Variants in CNTN3 observed in about 807,000 individuals in gnomAD.
CNTN3 encodes the protein contactin 3.
CNTN3 carries 60 observed loss-of-function variants against 119.1 expected under a neutral mutation model. That is an observed-to-expected ratio of 0.50 (90% CI 0.41 to 0.62). CNTN3 has a LOEUF of 0.62. Among genes scored for constraint, CNTN3 ranks in the 20% least tolerant of loss-of-function variants. The pLI is 0.00. For synonymous variants in CNTN3, 450 were observed against 438.7 expected (o/e 1.03, Z -0.32); for missense variants, 1,101 against 1,242.4 (o/e 0.89, Z 1.71).
At chr3:74,303,262 G>A (rs1350634476) in intron 13 of CNTN3, among the ~76,000 whole-genome samples, 8 of 152,090 alleles carry the variant, frequency 5.3e-5, no homozygotes, top group African/African-American at 1.9e-4. Flanking sequence ...GGATTACCAT[G>A]GTTGAAACAC....
chr3:74,295,256 G>T lies in CNTN3; in HGVS notation c.2402-20C>A. The T allele has an allele frequency of 7.5e-7, 1 of 1,337,914 alleles. No individual in the cohort carries two copies. Among genetic ancestry groups the T allele is most frequent in the Non-Finnish European group, 1.1e-6 (1 of 941,782 alleles). 82.9% of individuals were successfully genotyped at this position (1,337,914 alleles called of 1,614,324 possible). A position where few individuals can be genotyped will look rare whatever the true frequency, so the allele number is the denominator to read the frequency against. ...TAGGCTCTGTTCGGAAACAGAAATTGAAATATGATGATAATTTTGGCAGTT... is the reference window on the plus strand; with the variant it reads ...TAGGCTCTGTTCGGAAACAGAAATTTAAATATGATGATAATTTTGGCAGTT... On this transcript the variant is annotated intron_variant, in intron 18 of 22. Transcript: ENST00000263665.
At chr3:74,594,784 T>A (rs1704769940) in intron 1 of CNTN3, among the ~76,000 whole-genome samples, 1 of 151,972 alleles carries the variant, frequency 6.6e-6, no homozygotes, top group African/African-American at 2.4e-5. Flanking sequence ...TATAGCAGCA[T>A]GATTTATAGT....
chr3:74,440,106 A>G (rs1035337581), intron 4 of CNTN3, among the ~76,000 whole-genome samples: 21 of 152,178 alleles, frequency 1.4e-4, no homozygotes, highest in African/African-American at 4.8e-4. Context: ...CTATAACCCT[A>G]TGTTCCTGTA....
intron 2 of CNTN3, among the ~76,000 whole-genome samples, chr3:74,506,755 A>C (rs948058156): frequency 1.3e-5 from 2 of 150,208 alleles, no homozygotes; most frequent in African/African-American, 2.4e-5. Flanking sequence ...AAAAAAAACA[A>C]CACTTACATT....
chr3:74,286,260 G>T (rs1253504987), intron 19 of CNTN3, among the ~76,000 whole-genome samples: 1 of 152,102 alleles, frequency 6.6e-6, no homozygotes, highest in Admixed American at 6.5e-5. Context: ...AACCCTGCTA[G>T]CAAGAAAATG....
chr3:74,543,590 C>T (rs1703871811), intron 1 of CNTN3, among the ~76,000 whole-genome samples: 1 of 152,090 alleles, frequency 6.6e-6, no homozygotes. Context: ...ACTGAAAATA[C>T]TACATATTAG....
intron 5 of CNTN3, among the ~76,000 whole-genome samples, chr3:74,393,635 G>T (rs1704970351): frequency 6.6e-6 from 1 of 152,196 alleles, no homozygotes; most frequent in South Asian, 2.1e-4. Flanking sequence ...GCAGGACTGA[G>T]GCTGCCAGGT....
At chr3:74,610,773 C>T (rs553972292) in intron 1 of CNTN3, among the ~76,000 whole-genome samples, 6 of 151,892 alleles carry the variant, frequency 4.0e-5, no homozygotes, top group African/African-American at 1.2e-4. Context: ...AGAAGGAGGA[C>T]GTGGGTGAAC....
intron 1 of CNTN3, among the ~76,000 whole-genome samples, chr3:74,528,247 C>T (rs74728902): frequency 0.12 from 18,671 of 151,754 alleles, 1,465 homozygotes; most frequent in Non-Finnish European, 0.17. Context: ...ATGTACCTTT[C>T]CTAAGTCTAC....
chr3:74,590,219 T>C (rs1372953956), intron 1 of CNTN3, among the ~76,000 whole-genome samples: 1 of 151,864 alleles, frequency 6.6e-6, no homozygotes, highest in Non-Finnish European at 1.5e-5. Flanking sequence ...GTCAATACAT[T>C]TGGAAGGGAG....
intron 19 of CNTN3, among the ~76,000 whole-genome samples, chr3:74,288,961 G>C (rs6777314): frequency 0.037 from 5,642 of 152,220 alleles, 307 homozygotes; most frequent in African/African-American, 0.11. Flanking sequence ...AAGAAAATTA[G>C]TCTAGATGCT....
At chr3:74,512,134 A>T (rs1449223341) in intron 2 of CNTN3, among the ~76,000 whole-genome samples, 3 of 152,134 alleles carry the variant, frequency 2.0e-5, no homozygotes, top group African/African-American at 7.2e-5. Context: ...ATGTTATTTG[A>T]TATTATTATT....
At chr3:74,299,713 C>T (rs560044931) in intron 17 of CNTN3, among the ~76,000 whole-genome samples, 155 bp downstream of exon 17, 64 of 152,222 alleles carry the variant, frequency 4.2e-4, no homozygotes, top group African/African-American at 1.5e-3. Context: ...ATCCCACCAT[C>T]ACCACCTATA....
intron 5 of CNTN3, among the ~76,000 whole-genome samples, chr3:74,379,915 C>T (rs1006282126): frequency 3.3e-5 from 5 of 152,142 alleles, no homozygotes; most frequent in Non-Finnish European, 4.4e-5. Flanking sequence ...GCAGAGAATG[C>T]GACATAGTGA....
At chr3:74,270,815 G>A (rs78244152) in intron 20 of CNTN3, among the ~76,000 whole-genome samples, 3 of 152,118 alleles carry the variant, frequency 2.0e-5, no homozygotes, top group Non-Finnish European at 4.4e-5. Flanking sequence ...GTTTGTCAAC[G>A]TTCATATCCT....
chr3:74,454,746 G>T (rs1002313695), intron 4 of CNTN3, among the ~76,000 whole-genome samples: 136 of 152,028 alleles, frequency 8.9e-4, no homozygotes, highest in Non-Finnish European at 1.3e-3. Flanking sequence ...GTCTGTAAAG[G>T]ATTTTATTTC....
chr3:74,350,641 T>C (rs1230314855), intron 11 of CNTN3, among the ~76,000 whole-genome samples: 5 of 152,150 alleles, frequency 3.3e-5, no homozygotes, highest in African/African-American at 1.2e-4. Context: ...CACAGCACTA[T>C]TCCCAAGAGT....
chr3:74,537,816 G>C (rs755255281), intron 1 of CNTN3, among the ~76,000 whole-genome samples: 2 of 152,074 alleles, frequency 1.3e-5, no homozygotes, highest in South Asian at 4.1e-4. Context: ...CCCAGAGATG[G>C]AGGGATGGAG....
At chr3:74,339,947 C>A (rs1378903144) in intron 11 of CNTN3, among the ~76,000 whole-genome samples, 1 of 151,752 alleles carries the variant, frequency 6.6e-6, no homozygotes, top group Non-Finnish European at 1.5e-5. Flanking sequence ...AGATAGCCAG[C>A]CCTCCATATC....
Sources: allele counts gnomAD v4.1 joint callset (sites outside exome capture counted in the v4.1 genomes callset), GRCh38; gene constraint gnomAD v4.1.1; transcripts MANE v1.5; gene names NCBI Gene and HGNC (gene_info 2026-07-23, HGNC 2026-07-21).